Variants in NF1 observed in about 807,000 individuals in gnomAD.
NF1 encodes the protein neurofibromin.
NF1 carries 122 observed loss-of-function variants against 325.7 expected under a neutral mutation model. The ratio of observed to expected loss-of-function variants is 0.37; its 90% CI spans 0.32 to 0.44. The LOEUF (loss-of-function observed/expected upper bound fraction) is 0.44, where lower values mean the gene tolerates loss of function less well. NF1 is among the 20% of genes least tolerant of loss of function. NF1 has a pLI of 1.00. For missense variants in NF1, 2,140 were observed against 3,415.4 expected (o/e 0.63, Z 9.31); for synonymous variants, 1,091 against 1,186.0 (o/e 0.92, Z 1.65).
Position 31,375,044 on chromosome 17 carries a change from C to T in NF1, c.*889C>T, listed in dbSNP as rs2070712619. On this transcript the variant is annotated 3_prime_UTR_variant, in exon 58 of 58. Coordinates refer to ENST00000358273, the MANE Select transcript of NF1 (RefSeq NM_001042492.3). ...TATATATATATTTTTTCCCCTCCCC[C>T]TCTTCTTTCCTAACTAATTCTGAGC... 4.8e-6 allele frequency: 1 copy of T among 208,868 alleles called. No individual in the cohort carries two copies. The highest frequency in any genetic ancestry group is 9.8e-6 in the Non-Finnish European group (1 of 102,318). 12.9% of individuals were successfully genotyped at this position (208,868 alleles called of 1,614,324 possible). A position where few individuals can be genotyped will look rare whatever the true frequency, so the allele number is the denominator to read the frequency against.
At chr17:31,135,441 G>T (rs1406022731) in intron 1 of NF1, among the ~76,000 whole-genome samples, 1 of 152,036 alleles carries the variant, frequency 6.6e-6, no homozygotes, top group African/African-American at 2.4e-5. Flanking sequence ...CTTATAAACA[G>T]TTCATGGGAA....
chr17:31,207,512 G>A (rs2066645036), intron 12 of NF1, among the ~76,000 whole-genome samples: 1 of 152,038 alleles, frequency 6.6e-6, no homozygotes, highest in Admixed American at 6.6e-5. Context: ...AAATAGAGAA[G>A]TTTTTTATGT....
chr17:31,222,777 A>T (rs909650922), intron 15 of NF1: 8 of 167,508 alleles, frequency 4.8e-5, no homozygotes, highest in African/African-American at 1.9e-4. Context: ...TGTGTCTTTT[A>T]TACTTACAGC....
chr17:31,129,297 A>G (rs1003458932), intron 1 of NF1, among the ~76,000 whole-genome samples: 1 of 152,032 alleles, frequency 6.6e-6, no homozygotes, highest in African/African-American at 2.4e-5. Context: ...GTCTCTTTAT[A>G]TAATTTCATA....
intron 38 of NF1, among the ~76,000 whole-genome samples, chr17:31,329,699 G>T (rs901095801): frequency 6.6e-6 from 1 of 152,138 alleles, no homozygotes. Context: ...ATGTAATGAG[G>T]TCATAGAGGG....
At position 31,184,657 on chromosome 17, in the gene NF1, A is replaced by T. The variant is rs538272249; in HGVS notation, c.888+1992A>T. Among the ~76,000 whole-genome samples the T allele has an allele frequency of 1.3e-3, 189 of 148,278 alleles. 2 individuals carry two copies. The Middle Eastern group carries it at 0.021, about 16-fold the overall frequency. On this transcript the variant is annotated intron_variant, in intron 8 of 57. Transcript: ENST00000358273. ...AGCGAGACTCCGTCTCAAAAAAAAAAAATAAAAAAAAAAAATAAAAAAATA... is the reference window on the plus strand; with the variant it reads ...AGCGAGACTCCGTCTCAAAAAAAAATAATAAAAAAAAAAAATAAAAAAATA...
chr17:31,299,665 A>G (rs1386462785), intron 36 of NF1: 1 of 152,132 alleles, frequency 6.6e-6, no homozygotes, highest in Non-Finnish European at 1.5e-5. Context: ...ATGGTTGGCT[A>G]TTTAGACTGA....
At chr17:31,295,073 T>A (rs777988370) in intron 36 of NF1, 1 of 1,614,158 alleles carries the variant, frequency 6.2e-7, no homozygotes, top group Non-Finnish European at 8.5e-7. Context: ...TTTCCAAGCA[T>A]TTGCCACAGA....
chr17:31,289,631 C>G (rs977629574), intron 36 of NF1, among the ~76,000 whole-genome samples: 4 of 152,120 alleles, frequency 2.6e-5, no homozygotes, highest in African/African-American at 4.8e-5. Flanking sequence ...ACATTTCACA[C>G]TTTAAAAAAC....
At chr17:31,160,582 A>G (rs2065745619) in intron 3 of NF1, among the ~76,000 whole-genome samples, 1 of 152,206 alleles carries the variant, frequency 6.6e-6, no homozygotes, top group South Asian at 2.1e-4. Flanking sequence ...ACATAGGATG[A>G]TGGAACTGGG....
In NF1 at chr17:31,222,017, A is replaced by C. The variant is rs539693958; in HGVS notation, c.1721+88A>C. ...ATATTAACTCTGTAGTACTTAGTAC[A>C]TTGTAAAACTTACACTTCCAAAGGT... On this transcript the variant is annotated intron_variant, in intron 15 of 57. Coordinates refer to ENST00000358273, the MANE Select transcript of NF1 (RefSeq NM_001042492.3). The C allele has an allele frequency of 1.3e-4, 180 of 1,342,274 alleles. No homozygotes were observed. In the East Asian group the frequency reaches 4.9e-3, roughly 37 times the overall value. The allele number at this position is 1,342,274 out of a possible 1,614,324, so 83.1% of individuals were successfully genotyped here. A position where few individuals can be genotyped will look rare whatever the true frequency, so the allele number is the denominator to read the frequency against.
At position 31,328,457 on chromosome 17, in the gene NF1, A is replaced by G. The variant is rs965401812; in HGVS notation, c.5609+618A>G. Among the ~76,000 whole-genome samples, 3 of 152,328 alleles carry G rather than the reference A, an allele frequency of 2.0e-5. No homozygotes were observed. The South Asian group carries it at 6.2e-4, about 32-fold the overall frequency. On this transcript the variant is annotated intron_variant, in intron 38 of 57. Coordinates refer to ENST00000358273, the MANE Select transcript of NF1 (RefSeq NM_001042492.3). ...TTGAGCAAGATACTGAAGTTTTCAGATATCTAGTTTCCTTATTTGTGAAAT... is the reference window on the plus strand; with the variant it reads ...TTGAGCAAGATACTGAAGTTTTCAGGTATCTAGTTTCCTTATTTGTGAAAT...
At chr17:31,281,225 T>C (rs72815622) in intron 36 of NF1, among the ~76,000 whole-genome samples, 7,379 of 152,272 alleles carry the variant, frequency 0.048, 240 homozygotes, top group Non-Finnish European at 0.078. Flanking sequence ...CTACTGTTGT[T>C]GATGTGATTC....
chr17:31,157,856 C>T (rs894536862), intron 2 of NF1, among the ~76,000 whole-genome samples: 3 of 150,856 alleles, frequency 2.0e-5, no homozygotes, highest in African/African-American at 7.3e-5. Context: ...GTCCCAGCTA[C>T]TCAGGAGGCT....
intron 8 of NF1, among the ~76,000 whole-genome samples, chr17:31,196,222 T>G (rs532723184): frequency 6.6e-6 from 1 of 152,090 alleles, no homozygotes; most frequent in Non-Finnish European, 1.5e-5. Flanking sequence ...ATTTTATTGG[T>G]CTTTAAAACC....
At chr17:31,332,248 AAGGTAAGGAGTTCG>A (rs1361235417) in intron 39 of NF1, among the ~76,000 whole-genome samples, 1 of 151,962 alleles carries the variant, frequency 6.6e-6, no homozygotes. Context: ...GGTGGATCAC[AAGGTAAGGAGTTCG>A]AGACCAGCCT....
intron 8 of NF1, chr17:31,183,056 A>C (rs1645669804): frequency 4.7e-6 from 2 of 428,566 alleles, no homozygotes; most frequent in African/African-American, 2.0e-5. Flanking sequence ...AGTGCTACTG[A>C]AATTATCTAG....
chr17:31,166,402 C>G (rs531298304), intron 4 of NF1, among the ~76,000 whole-genome samples: 10 of 152,154 alleles, frequency 6.6e-5, no homozygotes, highest in African/African-American at 2.4e-4. Context: ...GTTTTGGAAT[C>G]CTTGATTGCA....
At chr17:31,312,943 TTCTA>T (rs1169488842) in intron 36 of NF1, among the ~76,000 whole-genome samples, 2 of 152,194 alleles carry the variant, frequency 1.3e-5, no homozygotes, top group Non-Finnish European at 2.9e-5. Context: ...TATAGGTTTC[TTCTA>T]TCTTATACTA....
Sources: allele counts gnomAD v4.1 joint callset (sites outside exome capture counted in the v4.1 genomes callset), GRCh38; gene constraint gnomAD v4.1.1; transcripts MANE v1.5; gene names NCBI Gene and HGNC (gene_info 2026-07-23, HGNC 2026-07-21).